ADAMTSL1: variants seen among roughly 807,000 people sequenced by gnomAD.
The protein encoded by ADAMTSL1 is ADAMTS-like protein 1.
In ADAMTSL1, 126 loss-of-function variants were observed where a neutral mutation model predicts 201.8. That is an observed-to-expected ratio of 0.62 (90% CI 0.54 to 0.72). The LOEUF is 0.72. Among genes scored for constraint, ADAMTSL1 ranks in the 30% least tolerant of loss-of-function variants. The probability of loss-of-function intolerance (pLI) is 0.00; values close to 1 mark genes in which losing one functional copy is unlikely to be tolerated. For missense variants in ADAMTSL1, 2,679 were observed against 2,277.8 expected (o/e 1.18, Z -3.59); for synonymous variants, 1,121 against 903.4 (o/e 1.24, Z -4.32).
chr9:18,285,948 A>G (rs577516398), intron 2 of ADAMTSL1, among the ~76,000 whole-genome samples: 5 of 152,250 alleles, frequency 3.3e-5, no homozygotes, highest in Non-Finnish European at 7.4e-5. Flanking sequence ...GTTCTATCTA[A>G]GAACATTTTC....
chr9:18,449,972 C>A (rs1263907364), intron 2 of ADAMTSL1, among the ~76,000 whole-genome samples: 2 of 152,100 alleles, frequency 1.3e-5, no homozygotes, highest in Non-Finnish European at 2.9e-5. Context: ...CAGCTGCTTA[C>A]ATTAAGTTAA....
At chr9:18,541,322 C>T (rs1489113785) in intron 3 of ADAMTSL1, among the ~76,000 whole-genome samples, 1 of 152,094 alleles carries the variant, frequency 6.6e-6, no homozygotes, top group African/African-American at 2.4e-5. Context: ...CCAGCCTGGT[C>T]AACATGGTGA....
intron 2 of ADAMTSL1, among the ~76,000 whole-genome samples, chr9:18,368,057 G>A (rs938607230): frequency 1.3e-5 from 2 of 150,898 alleles, no homozygotes; most frequent in South Asian, 2.1e-4. Context: ...CCGCCACCAC[G>A]CCAGGCTAAT....
chr9:18,351,743 T>C (rs1037977626), intron 2 of ADAMTSL1, among the ~76,000 whole-genome samples: 1 of 152,196 alleles, frequency 6.6e-6, no homozygotes, highest in Non-Finnish European at 1.5e-5. Context: ...ATTAGGAATA[T>C]TTTCTCTATT....
intron 2 of ADAMTSL1, among the ~76,000 whole-genome samples, chr9:18,209,387 C>T (rs1258743811): frequency 1.3e-5 from 2 of 152,052 alleles, no homozygotes. Flanking sequence ...AGTAAAATGC[C>T]TTTTTGTTAT....
intron 4 of ADAMTSL1, among the ~76,000 whole-genome samples, chr9:18,586,176 C>T (rs531634674): frequency 9.2e-5 from 14 of 152,140 alleles, no homozygotes; most frequent in Admixed American, 1.3e-4. Context: ...ACATGATTCT[C>T]TGTCTAGAAA....
At chr9:18,205,170 AG>A (rs1665485930) in intron 2 of ADAMTSL1, among the ~76,000 whole-genome samples, 1 of 152,146 alleles carries the variant, frequency 6.6e-6, no homozygotes, top group South Asian at 2.1e-4. Flanking sequence ...ATTATTGCCT[AG>A]GGTGGCACAT....
At chr9:18,471,425 ATTACT>A (rs1372560915), upstream of ADAMTSL1, among the ~76,000 whole-genome samples, 1 of 152,176 alleles carries the variant, frequency 6.6e-6, no homozygotes, top group Non-Finnish European at 1.5e-5. Flanking sequence ...AAATGGGGTG[ATTACT>A]TAATTTCAAA....
intron 23 of ADAMTSL1, among the ~76,000 whole-genome samples, chr9:18,834,230 G>A (rs757339815): frequency 2.0e-5 from 3 of 152,050 alleles, no homozygotes; most frequent in Non-Finnish European, 4.4e-5. Flanking sequence ...GAAAAATGTC[G>A]TTGATAGTTT....
chr9:18,117,206 G>A (rs148969842), intron 1 of ADAMTSL1, among the ~76,000 whole-genome samples: 1 of 152,254 alleles, frequency 6.6e-6, no homozygotes, highest in Non-Finnish European at 1.5e-5. Flanking sequence ...AGCAGTCAAA[G>A]CAGTTCAGTA....
chr9:17,980,417 A>G (rs770930563), intron 1 of ADAMTSL1, among the ~76,000 whole-genome samples: 1 of 150,484 alleles, frequency 6.6e-6, no homozygotes, highest in Non-Finnish European at 1.5e-5. Flanking sequence ...CTAATTTACC[A>G]ATTTTCTCTT....
At chr9:18,285,151 A>G (rs2059312842) in intron 2 of ADAMTSL1, among the ~76,000 whole-genome samples, 1 of 152,156 alleles carries the variant, frequency 6.6e-6, no homozygotes. Flanking sequence ...AAAAATAAAT[A>G]TATTCAAACT....
chr9:18,749,589 C>T (rs898644065), intron 15 of ADAMTSL1, among the ~76,000 whole-genome samples: 1 of 152,156 alleles, frequency 6.6e-6, no homozygotes, highest in Non-Finnish European at 1.5e-5. Flanking sequence ...TGCCCCCAGG[C>T]CGGCTCTGCC....
At chr9:17,968,688 A>G (rs1458846410) in intron 1 of ADAMTSL1, among the ~76,000 whole-genome samples, 2 of 152,086 alleles carry the variant, frequency 1.3e-5, no homozygotes, top group Admixed American at 6.6e-5. Context: ...ATTTAGTGTA[A>G]TGTTGGGACA....
intron 4 of ADAMTSL1, among the ~76,000 whole-genome samples, chr9:18,587,751 C>T (rs897116764): frequency 6.6e-6 from 1 of 152,132 alleles, no homozygotes; most frequent in Admixed American, 6.5e-5. Context: ...CTTTCTGTGC[C>T]TGGTTTATTT....
At chr9:18,323,702 TA>T (rs1834716249) in intron 2 of ADAMTSL1, among the ~76,000 whole-genome samples, 1 of 152,140 alleles carries the variant, frequency 6.6e-6, no homozygotes, top group African/African-American at 2.4e-5. Flanking sequence ...TATCAACAAA[TA>T]ATTAAAATTT....
intron 15 of ADAMTSL1, among the ~76,000 whole-genome samples, chr9:18,738,992 A>G (rs932561477): frequency 4.6e-5 from 7 of 152,192 alleles, no homozygotes; most frequent in Non-Finnish European, 1.0e-4. Flanking sequence ...CTGGAGTGAG[A>G]CTACTTAGGG....
chr9:17,912,902 A>G (rs1320669640), intron 1 of ADAMTSL1, among the ~76,000 whole-genome samples: 1 of 152,014 alleles, frequency 6.6e-6, no homozygotes, highest in East Asian at 1.9e-4. Flanking sequence ...CTTTCTACAT[A>G]TGGCTAGCCA....
rs1457927651 is a variant in ADAMTSL1, at chr9:18,753,325, T to C, written c.2034T>C (p.Cys678=). 6.2e-7 allele frequency: 1 copy of C among 1,612,264 alleles called. No homozygotes were observed. The highest frequency in any genetic ancestry group is 1.3e-5 in the African/African-American group (1 of 75,034). ...GGGAAATTGGCAAGTGGAGTCCATG[T>C]AGTCTCACATGTGGGGTCGGCCTAC... ...ARWEIGKWSP[C]SLTCGVGLQT... Residue 678 remains cysteine (C), a synonymous_variant, in exon 16 of 29, where the codon TGT becomes TGC. Transcript: ENST00000380548.
Sources: gnomAD v4.1 joint callset for allele counts (sites outside exome capture counted in the v4.1 genomes callset) on GRCh38, gnomAD v4.1.1 for gene constraint, MANE v1.5 for transcripts, NCBI Gene and HGNC (gene_info 2026-07-23, HGNC 2026-07-21) for gene names.